MMP16: variants seen among roughly 807,000 people sequenced by gnomAD.
MMP16 encodes the protein matrix metallopeptidase 16.
Under a neutral mutation model 67.8 loss-of-function variants are expected in MMP16, and 12 were observed. That is an observed-to-expected ratio of 0.18 (90% confidence interval 0.11 to 0.29). The LOEUF (loss-of-function observed/expected upper bound fraction) is 0.29, where lower values mean the gene tolerates loss of function less well. Ranked by LOEUF, MMP16 falls within the 10% of genes least tolerant of loss-of-function variation. The pLI, the probability that MMP16 is intolerant of heterozygous loss-of-function variation, is 1.00. For synonymous variants in MMP16, 249 were observed against 255.9 expected (o/e 0.97, Z 0.26); for missense variants, 475 against 765.7 (o/e 0.62, Z 4.48).
intron 1 of MMP16, among the ~76,000 whole-genome samples, chr8:88,260,817 TC>T (rs1411476920): frequency 6.6e-6 from 1 of 152,172 alleles, no homozygotes; most frequent in Non-Finnish European, 1.5e-5. Flanking sequence ...GTGTTATGTT[TC>T]CCAGTTAACA....
chr8:88,110,830 TTTGAG>T (rs1809322369), intron 6 of MMP16, among the ~76,000 whole-genome samples: 2 of 151,656 alleles, frequency 1.3e-5, no homozygotes, highest in African/African-American at 4.8e-5. Context: ...AGTATCAGAA[TTTGAG>T]TTAATTAATA....
In MMP16 at chr8:88,327,392, G is replaced by A. The variant is rs1811558456; in HGVS notation, c.-186C>T. ...GCTCGGCAGCCCCCGAGAGGCAGCG[G>A]CGAAGACAGGGTCAGCAGTAGTTCC... On this transcript the variant is annotated 5_prime_UTR_variant, in exon 1 of 10. Transcript: ENST00000286614. 6 of 610,902 alleles carry A rather than the reference G, an allele frequency of 9.8e-6. No individual in the cohort carries two copies. Among genetic ancestry groups the A allele is most frequent in the Non-Finnish European group, 1.7e-5 (6 of 353,576 alleles). The allele number at this position is 610,902 out of a possible 1,614,324, so 37.8% of individuals were successfully genotyped here.
intron 1 of MMP16, among the ~76,000 whole-genome samples, chr8:88,247,561 G>A (rs951122857): frequency 9.9e-5 from 15 of 151,992 alleles, no homozygotes; most frequent in African/African-American, 3.4e-4. Flanking sequence ...AATGAGGCTC[G>A]AGGGTTCACT....
chr8:88,238,882 T>C (rs939871689), intron 1 of MMP16, among the ~76,000 whole-genome samples: 2 of 152,108 alleles, frequency 1.3e-5, no homozygotes, highest in African/African-American at 4.8e-5. Flanking sequence ...CCCACCACTT[T>C]GGGAGGCCAA....
chr8:88,266,604 A>C (rs917529786), intron 1 of MMP16, among the ~76,000 whole-genome samples: 1 of 152,024 alleles, frequency 6.6e-6, no homozygotes, highest in African/African-American at 2.4e-5. Flanking sequence ...GTTCCCTCCT[A>C]CTTTGGTAAA....
chr8:88,180,930 A>T (rs1808969557), intron 3 of MMP16, among the ~76,000 whole-genome samples: 1 of 152,184 alleles, frequency 6.6e-6, no homozygotes, highest in Non-Finnish European at 1.5e-5. Context: ...AGGCAAAAGA[A>T]GAAAATTCAT....
chr8:88,161,102 G>A (rs974870075), intron 4 of MMP16, among the ~76,000 whole-genome samples: 1 of 152,142 alleles, frequency 6.6e-6, no homozygotes, highest in African/African-American at 2.4e-5. Context: ...CTATTGATTA[G>A]AATAGTTTCA....
chr8:88,056,430 A>T (rs1237416380), intron 7 of MMP16, 152 bp from the exon 8 acceptor site: 1 of 265,692 alleles, frequency 3.8e-6, no homozygotes, highest in Non-Finnish European at 6.5e-6. Context: ...ATAAGTTATT[A>T]GTTGTCCCAT....
intron 3 of MMP16, among the ~76,000 whole-genome samples, chr8:88,180,339 A>AC (rs398008654): frequency 1.3e-5 from 2 of 151,854 alleles, no homozygotes; most frequent in African/African-American, 4.8e-5. Context: ...GTAAAAAAAA[A>AC]CAACAAAATT....
At chr8:88,309,600 T>A (rs1045300041) in intron 1 of MMP16, among the ~76,000 whole-genome samples, 1 of 151,990 alleles carries the variant, frequency 6.6e-6, no homozygotes, top group African/African-American at 2.4e-5. Context: ...CCTAATATGA[T>A]CCTATAATAA....
chr8:88,160,078 G>A (rs939121399), intron 4 of MMP16, among the ~76,000 whole-genome samples: 4 of 151,388 alleles, frequency 2.6e-5, no homozygotes, highest in Middle Eastern at 3.4e-3. Flanking sequence ...TCATTAACTC[G>A]TCATTTAGCA....
chr8:88,061,295 T>C (rs1296745207), intron 7 of MMP16, among the ~76,000 whole-genome samples: 1 of 152,030 alleles, frequency 6.6e-6, no homozygotes, highest in Non-Finnish European at 1.5e-5. Context: ...TAGAAAGTCT[T>C]AAAACAATAG....
At chr8:88,309,475 A>C (rs1194120836) in intron 1 of MMP16, among the ~76,000 whole-genome samples, 1 of 151,936 alleles carries the variant, frequency 6.6e-6, no homozygotes, top group Non-Finnish European at 1.5e-5. Flanking sequence ...TGTCTAGAAA[A>C]TTTCTGGAAA....
intron 4 of MMP16, among the ~76,000 whole-genome samples, chr8:88,139,171 C>T (rs1808170784): frequency 6.6e-6 from 1 of 152,040 alleles, no homozygotes. Flanking sequence ...ACTACACATT[C>T]TCATAATAAG....
At chr8:88,236,521 T>C (rs1809942883) in intron 1 of MMP16, among the ~76,000 whole-genome samples, 1 of 152,006 alleles carries the variant, frequency 6.6e-6, no homozygotes. Flanking sequence ...CTTTGGAGGC[T>C]GAAGGGGGCA....
At chr8:88,225,273 A>G (rs1024511588) in intron 1 of MMP16, among the ~76,000 whole-genome samples, 4 of 152,134 alleles carry the variant, frequency 2.6e-5, no homozygotes, top group East Asian at 1.9e-4. Flanking sequence ...TTAAAACTTA[A>G]CACTTCACAT....
chr8:88,175,511 T>A (rs1172109108), intron 3 of MMP16, among the ~76,000 whole-genome samples: 2 of 152,194 alleles, frequency 1.3e-5, no homozygotes, highest in East Asian at 3.8e-4. Flanking sequence ...TATACTTAGC[T>A]CTCATTTCTA....
At chr8:88,257,244 G>A (rs73290633) in intron 1 of MMP16, among the ~76,000 whole-genome samples, 4,739 of 152,250 alleles carry the variant, frequency 0.031, 71 homozygotes, top group South Asian at 0.045. Context: ...TGCTCTTACA[G>A]GGCTCAGAAT....
intron 5 of MMP16, 56 bp downstream of exon 5, chr8:88,118,644 G>A: frequency 6.7e-7 from 1 of 1,484,892 alleles, no homozygotes; most frequent in Non-Finnish European, 9.3e-7. Context: ...AGAAAACACA[G>A]CAGAAATTCT....
Sources: gnomAD v4.1 joint callset for allele counts (sites outside exome capture counted in the v4.1 genomes callset) on GRCh38, gnomAD v4.1.1 for gene constraint, MANE v1.5 for transcripts, NCBI Gene and HGNC (gene_info 2026-07-23, HGNC 2026-07-21) for gene names.